The following PDIA5 variants were observed in gnomAD, a reference collection of about 807,000 sequenced individuals.
PDIA5 encodes protein disulfide-isomerase A5.
PDIA5 carries 58 observed loss-of-function variants against 77.6 expected under a neutral mutation model. The ratio of observed to expected loss-of-function variants is 0.75; its 90% CI spans 0.61 to 0.93. The LOEUF (loss-of-function observed/expected upper bound fraction) is 0.93. PDIA5 is among the 40% of genes least tolerant of loss of function. PDIA5 has a pLI of 0.00. For synonymous variants in PDIA5, 250 were observed against 252.1 expected, an observed-to-expected ratio of 0.99 and a Z score of 0.08; for missense variants, 630 against 647.7, an observed-to-expected ratio of 0.97 and a Z score of 0.30.
At chr3:123,098,557 G>A (rs1379994044) in intron 3 of PDIA5, among the ~76,000 whole-genome samples, 3 of 152,228 alleles carry the variant, frequency 2.0e-5, no homozygotes, top group Non-Finnish European at 4.4e-5. Flanking sequence ...CCATGTGTCT[G>A]TCTGGGTGTG....
intron 6 of PDIA5, among the ~76,000 whole-genome samples, chr3:123,108,698 C>T (rs1264362239): frequency 1.3e-5 from 2 of 151,194 alleles, no homozygotes; most frequent in Non-Finnish European, 3.0e-5. Context: ...CCAGCCTGGC[C>T]AACATGGTGA....
Position 123,104,523 on chromosome 3 carries a change from G to A in PDIA5, c.387+1727G>A, listed in dbSNP as rs138442099. On this transcript the variant is annotated intron_variant, in intron 5 of 16. Transcript: ENST00000316218. ...TTCTGGCTGTGGTTTTTGTCAACCC[G>A]CATGGTTGGGCAGAAGCCTGGTCAC... Among the ~76,000 whole-genome samples, 207 of 152,356 alleles carry A rather than the reference G, an allele frequency of 1.4e-3. 1 individual carries two copies. Among genetic ancestry groups the A allele is most frequent in the African/African-American group, 4.7e-3 (194 of 41,584 alleles).
chr3:123,088,290 A>G (rs1339867693), intron 1 of PDIA5, among the ~76,000 whole-genome samples: 1 of 152,052 alleles, frequency 6.6e-6, no homozygotes, highest in Non-Finnish European at 1.5e-5. Context: ...TTGTGCCTGC[A>G]GAGGTGCCTG....
intron 1 of PDIA5, among the ~76,000 whole-genome samples, chr3:123,080,400 C>G (rs1933969589): frequency 3.3e-5 from 5 of 152,166 alleles, no homozygotes; most frequent in Admixed American, 3.3e-4. Context: ...CAACTCAACT[C>G]TGAATTGAAA....
At position 123,150,261 on chromosome 3, in the gene PDIA5, C is replaced by A; in HGVS notation, c.1170C>A (p.Pro390=). ...QNPEAPPPPE[P]TWEEQQTSVL... Reference sequence around the variant, plus strand: ...CTGAGGCCCCCCCGCCCCCAGAGCCCACGTGGGAAGAGCAGCAGACAAGCG... The same window carrying A: ...CTGAGGCCCCCCCGCCCCCAGAGCCAACGTGGGAAGAGCAGCAGACAAGCG... Residue 390 remains proline, a synonymous_variant, in exon 14 of 17, where the codon CCC becomes CCA. Transcript: ENST00000316218. 2 of 1,613,462 alleles carry A rather than the reference C, an allele frequency of 1.2e-6. No homozygotes were observed. Among genetic ancestry groups the A allele is most frequent in the African/African-American group, 2.7e-5 (2 of 74,950 alleles).
chr3:123,110,894 C>T (rs1329095584), intron 6 of PDIA5, 50 bp from the exon 7 acceptor site: 4 of 1,456,916 alleles, frequency 2.7e-6, no homozygotes, highest in Non-Finnish European at 1.9e-6. Flanking sequence ...GGGTCTCATC[C>T]TGTTACTGTG....
chr3:123,133,530 A>G (rs1477912401), intron 11 of PDIA5, among the ~76,000 whole-genome samples: 1 of 152,224 alleles, frequency 6.6e-6, no homozygotes. Flanking sequence ...ATTTGACAAA[A>G]TGAGTTGCTG....
In PDIA5 at chr3:123,162,004, C is replaced by G. The variant is rs1322411992; in HGVS notation, c.*44C>G. On this transcript the variant is annotated 3_prime_UTR_variant, in exon 17 of 17. Coordinates refer to ENST00000316218, the MANE Select transcript of PDIA5 (RefSeq NM_006810.4). ...CTTTTCCATTACACTGTGAATGATA[C>G]CTGTTTTGTTGTTTCTGAATTTCCA... is the stretch of plus-strand genomic sequence containing the variant. The G allele has an allele frequency of 8.9e-7, 1 of 1,124,702 alleles. No individual in the cohort carries two copies. The highest frequency in any genetic ancestry group is 1.3e-6 in the Non-Finnish European group (1 of 749,508). 69.7% of individuals were successfully genotyped at this position (1,124,702 alleles called of 1,614,324 possible). A position where few individuals can be genotyped will look rare whatever the true frequency, so the allele number is the denominator to read the frequency against.
Position 123,067,154 on chromosome 3 carries a change from G to C in PDIA5, c.-11G>C. 1 of 1,246,858 alleles carries C rather than the reference G, an allele frequency of 8.0e-7. No homozygotes were observed. The highest frequency in any genetic ancestry group is 1.0e-6 in the Non-Finnish European group (1 of 991,390). 77.2% of individuals were successfully genotyped at this position (1,246,858 alleles called of 1,614,324 possible). A position where few individuals can be genotyped will look rare whatever the true frequency, so the allele number is the denominator to read the frequency against. On this transcript the variant is annotated 5_prime_UTR_variant, in exon 1 of 17. Coordinates refer to ENST00000316218, the MANE Select transcript of PDIA5 (RefSeq NM_006810.4). ...TGGAGAAAGGAGCCAGCGGTGGGCA[G>C]CGCTGCTGGGATGGCGCGGGCCGGG... is the stretch of plus-strand genomic sequence containing the variant.
intron 1 of PDIA5, among the ~76,000 whole-genome samples, chr3:123,078,847 A>T (rs925793237): frequency 5.3e-5 from 8 of 152,148 alleles, no homozygotes; most frequent in Admixed American, 2.0e-4. Context: ...TTAGTGCATT[A>T]TATCAGGGGG....
chr3:123,140,543 CAG>C (rs1441639472), intron 11 of PDIA5, among the ~76,000 whole-genome samples: 3 of 152,092 alleles, frequency 2.0e-5, no homozygotes, highest in Non-Finnish European at 4.4e-5. Flanking sequence ...AGACTCAAAG[CAG>C]GGGCCAGAAC....
chr3:123,070,086 T>A (rs1290765704), intron 1 of PDIA5, among the ~76,000 whole-genome samples: 1 of 137,356 alleles, frequency 7.3e-6, no homozygotes, highest in Non-Finnish European at 1.5e-5. Flanking sequence ...CAAGACTCCA[T>A]CTCAAAAAAA....
intron 15 of PDIA5, among the ~76,000 whole-genome samples, chr3:123,159,452 G>A (rs1169470316): frequency 1.3e-5 from 2 of 152,230 alleles, no homozygotes; most frequent in African/African-American, 4.8e-5. Flanking sequence ...GCTGGGGAAG[G>A]TATGTTTAGC....
At chr3:123,112,534 C>CTTTTTTTTTTTTTTT (rs55977938) in intron 7 of PDIA5, among the ~76,000 whole-genome samples, 2 of 61,454 alleles carry the variant, frequency 3.3e-5, no homozygotes, top group African/African-American at 6.9e-5. Context: ...CAGCCCTATT[C>CTTTTTTTTTTTTTTT]TTTTTTTTTT....
intron 16 of PDIA5, 137 bp downstream of exon 16, chr3:123,161,592 G>A: frequency 3.1e-6 from 3 of 965,754 alleles, no homozygotes; most frequent in Non-Finnish European, 3.1e-6. Context: ...AGAGGCCCAG[G>A]CCCTGGGCCT....
intron 1 of PDIA5, among the ~76,000 whole-genome samples, chr3:123,088,839 ACT>A (rs1373279448): frequency 6.6e-6 from 1 of 152,100 alleles, no homozygotes; most frequent in African/African-American, 2.4e-5. Context: ...ATTATTTTTT[ACT>A]GTTATCCCGT....
chr3:123,155,547 C>T (rs1162641308), intron 15 of PDIA5, among the ~76,000 whole-genome samples: 1 of 152,178 alleles, frequency 6.6e-6, no homozygotes, highest in East Asian at 1.9e-4. Flanking sequence ...CCAGGCGCGT[C>T]CCCCAGGCAC....
intron 3 of PDIA5, among the ~76,000 whole-genome samples, chr3:123,099,687 T>A (rs1185785523): frequency 2.0e-5 from 3 of 152,110 alleles, no homozygotes; most frequent in Non-Finnish European, 4.4e-5. Context: ...CCAACTTAGT[T>A]GTTTTGGAGT....
chr3:123,111,358 C>T (rs567440346), intron 7 of PDIA5, among the ~76,000 whole-genome samples: 7 of 152,326 alleles, frequency 4.6e-5, no homozygotes, highest in South Asian at 2.1e-4. Flanking sequence ...TGCCACCCCT[C>T]GGGCATGGCG....
Sources: gnomAD v4.1 joint callset for allele counts (sites outside exome capture counted in the v4.1 genomes callset) on GRCh38, gnomAD v4.1.1 for gene constraint, MANE v1.5 for transcripts, NCBI Gene and HGNC (gene_info 2026-07-23, HGNC 2026-07-21) for gene names.